The following GMFB variants were observed in gnomAD, a reference collection of about 807,000 sequenced individuals.
The protein encoded by GMFB is glia maturation factor beta.
GMFB carries 13 observed loss-of-function variants against 25.6 expected under a neutral mutation model. The ratio of observed to expected loss-of-function variants is 0.51; its 90% confidence interval spans 0.33 to 0.81. The LOEUF is 0.81. Among genes scored for constraint, GMFB ranks in the 30% least tolerant of loss-of-function variants. The pLI is 0.02. For missense variants in GMFB, 146 were observed against 175.4 expected, an observed-to-expected ratio of 0.83 and a Z score of 0.95; for synonymous variants, 57 against 56.9, an observed-to-expected ratio of 1.00 and a Z score of 0.00.
intron 1 of GMFB, among the ~76,000 whole-genome samples, chr14:54,487,525 C>G (rs968375671): frequency 1.3e-5 from 2 of 151,450 alleles, no homozygotes; most frequent in Non-Finnish European, 2.9e-5. Flanking sequence ...CGCGACAGAG[C>G]GAGACTCCAT....
rs770901102 is a variant in GMFB at position 54,481,419 on chromosome 14, G to A, written c.190C>T (p.Arg64Ter). ...CTAAGAAAAGGATATCGAGGTTGTC[G>A]TTCAGGTAGTTCATCTTTAAGTTCA... Reference protein sequence around the residue: ...PDELKDELPERQPRFIVYSYK... With the variant: ...PDELKDELPE The change falls in exon 4 of 7, where the codon CGA (arginine) becomes TGA (stop). Residue 64 changes from arginine to a stop codon, truncating the protein, a stop_gained. Transcript: ENST00000358056. LOFTEE classifies it high-confidence loss of function. 9 of 1,603,952 alleles carry A rather than the reference G, an allele frequency of 5.6e-6. No homozygotes were observed. Among genetic ancestry groups the A allele is most frequent in the African/African-American group, 1.3e-5 (1 of 74,592 alleles).
Position 54,477,872 on chromosome 14 carries a change from C to A in GMFB, c.*216G>T. ...AAGTCCCTGGAGAAAAGTAGTCCAC[C>A]TAACAATTACCAATATAAGGAAACA... On this transcript the variant is annotated 3_prime_UTR_variant, in exon 7 of 7. Coordinates refer to ENST00000358056, the MANE Select transcript of GMFB (RefSeq NM_004124.3). 2.6e-6 allele frequency: 1 copy of A among 387,052 alleles called. No individual in the cohort carries two copies. The allele number at this position is 387,052 out of a possible 1,614,324, so 24.0% of individuals were successfully genotyped here.
rs937906775 is a variant in GMFB at position 54,476,845 on chromosome 14, A to T, written c.*1243T>A. The T allele has an allele frequency of 7.9e-5, 12 of 152,062 alleles. No homozygotes were observed. Among genetic ancestry groups the T allele is most frequent in the African/African-American group, 2.9e-4 (12 of 41,442 alleles). The allele number at this position is 152,062 out of a possible 1,614,324, so 9.4% of individuals were successfully genotyped here. On this transcript the variant is annotated 3_prime_UTR_variant, in exon 7 of 7. Coordinates refer to ENST00000358056, the MANE Select transcript of GMFB (RefSeq NM_004124.3). ...TAGACCTATTATCAAATTAATGTTC[A>T]ATGGTTACTTATGTATTTGTTTTTA... is the stretch of plus-strand genomic sequence containing the variant.
chr14:54,483,111 T>C (rs2140034148), intron 2 of GMFB: 1 of 152,898 alleles, frequency 6.5e-6, no homozygotes, highest in Non-Finnish European at 1.5e-5. Flanking sequence ...AAATACTGCC[T>C]ATGAATACAA....
At chr14:54,486,247 TCAAAAA>T (rs1011091493) in intron 1 of GMFB, among the ~76,000 whole-genome samples, 2 of 151,844 alleles carry the variant, frequency 1.3e-5, no homozygotes, top group South Asian at 2.1e-4. Flanking sequence ...AGACTCCATC[TCAAAAA>T]CAAAAACAAA....
intron 5 of GMFB, 54 bp from the exon 6 acceptor site, chr14:54,479,913 G>A (rs1482930156): frequency 5.1e-6 from 5 of 984,922 alleles, no homozygotes; most frequent in Non-Finnish European, 8.1e-6. Flanking sequence ...GAAAGGTATG[G>A]GTTATCATTA....
At chr14:54,485,295 A>G (rs1170859644) in intron 1 of GMFB, among the ~76,000 whole-genome samples, 1 of 152,170 alleles carries the variant, frequency 6.6e-6, no homozygotes, top group Non-Finnish European at 1.5e-5. Context: ...CATTAAAAAA[A>G]AAACTATTAG....
intron 1 of GMFB, among the ~76,000 whole-genome samples, chr14:54,487,213 T>G (rs1035978849): frequency 6.8e-6 from 1 of 146,080 alleles, no homozygotes; most frequent in Non-Finnish European, 1.5e-5. Flanking sequence ...CTGGCTAACA[T>G]GGTGAAACCC....
At chr14:54,480,810 T>A in intron 5 of GMFB, 64 bp downstream of exon 5, 2 of 782,802 alleles carry the variant, frequency 2.6e-6, no homozygotes, top group Non-Finnish European at 4.4e-6. Context: ...AGAAAATTTG[T>A]CTAGTATAAA....
At chr14:54,479,608 G>A in intron 6 of GMFB, 178 bp downstream of exon 6, 1 of 478,776 alleles carries the variant, frequency 2.1e-6, no homozygotes, top group Middle Eastern at 5.4e-4. Context: ...AATACACTTT[G>A]GTTCAAACGC....
chr14:54,487,805 A>C (rs2031808377), intron 1 of GMFB, among the ~76,000 whole-genome samples: 2 of 152,218 alleles, frequency 1.3e-5, no homozygotes, highest in African/African-American at 4.8e-5. Context: ...TATAGATGGT[A>C]ACTGAAGCCA....
At chr14:54,485,903 G>A (rs1404305806) in intron 1 of GMFB, among the ~76,000 whole-genome samples, 2 of 152,146 alleles carry the variant, frequency 1.3e-5, no homozygotes, top group Non-Finnish European at 2.9e-5. Context: ...CTGGGGAAAG[G>A]ACACTCTCTC....
chr14:54,479,286 C>T (rs1252283535), intron 6 of GMFB: 1 of 152,102 alleles, frequency 6.6e-6, no homozygotes, highest in Non-Finnish European at 1.5e-5. Context: ...TTCAAAAATA[C>T]CATAAAATAG....
chr14:54,479,518 C>CAATA, intron 6 of GMFB: 1 of 346,670 alleles, frequency 2.9e-6, no homozygotes, highest in Non-Finnish European at 5.3e-6. Context: ...AACTAACTCT[C>CAATA]AATAGATTTA....
At chr14:54,487,263 G>A (rs2031798305) in intron 1 of GMFB, among the ~76,000 whole-genome samples, 1 of 150,326 alleles carries the variant, frequency 6.7e-6, no homozygotes, top group African/African-American at 2.5e-5. Flanking sequence ...CGGGCGCGGT[G>A]GCTCACGCCT....
chr14:54,482,326 T>C (rs886984854), intron 2 of GMFB, 124 bp from the exon 3 acceptor site: 3 of 630,374 alleles, frequency 4.8e-6, no homozygotes, highest in African/African-American at 1.9e-5. Context: ...CAGAAGCATA[T>C]AACTAATTCA....
intron 1 of GMFB, 31 bp downstream of exon 1, chr14:54,488,894 T>A: frequency 6.4e-7 from 1 of 1,551,752 alleles, no homozygotes; most frequent in Non-Finnish European, 8.7e-7. Context: ...CGCCCAGCCC[T>A]CCGGCCCCCG....
intron 1 of GMFB, among the ~76,000 whole-genome samples, chr14:54,488,185 C>T (rs185574503): frequency 6.6e-6 from 1 of 152,254 alleles, no homozygotes; most frequent in East Asian, 1.9e-4. Context: ...ATTTTAAAAC[C>T]TAATGGGATG....
rs1227201421 is a variant in GMFB at position 54,480,857 on chromosome 14, T to C, written c.283+17A>G. On this transcript the variant is annotated intron_variant, in intron 5 of 6. Coordinates refer to ENST00000358056, the MANE Select transcript of GMFB (RefSeq NM_004124.3). Reference sequence around the variant, plus strand: ...GGATCTAAGCCAAATATGTGTTATTTAAAGAAATTCACTTACCAACAGGAC... The same window carrying C: ...GGATCTAAGCCAAATATGTGTTATTCAAAGAAATTCACTTACCAACAGGAC... The C allele has an allele frequency of 7.8e-7, 1 of 1,284,014 alleles. No individual in the cohort carries two copies. The allele number at this position is 1,284,014 out of a possible 1,614,324, so 79.5% of individuals were successfully genotyped here.
Sources: allele counts gnomAD v4.1 joint callset (sites outside exome capture counted in the v4.1 genomes callset), GRCh38; gene constraint gnomAD v4.1.1; transcripts MANE v1.5; gene names NCBI Gene and HGNC (gene_info 2026-07-23, HGNC 2026-07-21).